DHX30: variants seen among roughly 807,000 people sequenced by gnomAD.
The protein encoded by DHX30 is ATP-dependent RNA helicase DHX30.
DHX30 carries 4 observed loss-of-function variants against 116.9 expected under a neutral mutation model. The ratio of observed to expected loss-of-function variants is 0.03; its 90% CI spans 0.02 to 0.08. DHX30 has a LOEUF of 0.08. Among genes scored for constraint, DHX30 ranks in the 10% least tolerant of loss-of-function variants. DHX30 has a pLI of 1.00. For missense variants in DHX30, 871 were observed against 1,595.1 expected, an observed-to-expected ratio of 0.55 and a Z score of 7.73; for synonymous variants, 697 against 651.7, an observed-to-expected ratio of 1.07 and a Z score of -1.06.
At position 47,846,413 on chromosome 3, in the gene DHX30, T is replaced by C; in HGVS notation, c.1341T>C (p.Ile447=). Residue 447 remains isoleucine (I), a synonymous_variant, in exon 11 of 22, where the codon ATT becomes ATC. Transcript: ENST00000445061. ...DPHRDTILNA[I]EQHPVVVISG... is the part of the protein sequence containing the mutation. ...ATCGGGACACCATCCTCAACGCCAT[T>C]GAGCAGCACCCGGTGGTGGTCATCT... 1 of 1,614,130 alleles carries C rather than the reference T, an allele frequency of 6.2e-7. No homozygotes were observed.
rs554276746 is a variant in DHX30, at chr3:47,816,451, G to A, written c.29-1571G>A. On this transcript the variant is annotated intron_variant, in intron 3 of 21. Coordinates refer to ENST00000445061, the MANE Select transcript of DHX30 (RefSeq NM_138615.3). ...CGGCTCACTGCATCCTCCGCCTCCC[G>A]GGTTCAAGTCATTCTCGTGCCTCAG... The A allele has an allele frequency of 1.6e-5, 16 of 976,746 alleles. No homozygotes were observed. In the South Asian group the frequency reaches 2.4e-4, roughly 15 times the overall value. The allele number at this position is 976,746 out of a possible 1,614,324, so 60.5% of individuals were successfully genotyped here. A position where few individuals can be genotyped will look rare whatever the true frequency, so the allele number is the denominator to read the frequency against.
chr3:47,813,299 C>T lies in DHX30; in HGVS notation c.28+2588C>T, dbSNP rs144216707. 2.0e-5 allele frequency among the ~76,000 whole-genome samples: 3 copies of T among 152,214 alleles called. No homozygotes were observed. The East Asian group carries it at 5.8e-4, about 30-fold the overall frequency. The stretch of plus-strand genomic sequence containing the variant: ...CGGAGCTTGCAGTGAGCCGAGATCG[C>T]GCCACTGTCTGGCCTGGGCGAAACA... On this transcript the variant is annotated intron_variant, in intron 3 of 21. Coordinates refer to ENST00000445061, the MANE Select transcript of DHX30 (RefSeq NM_138615.3).
At position 47,818,121 on chromosome 3, in the gene DHX30, AG is replaced by A; in HGVS notation, c.124+7del. 1.3e-6 allele frequency: 1 copy of A among 780,372 alleles called. No individual in the cohort carries two copies. Among genetic ancestry groups the A allele is most frequent in the Non-Finnish European group, 2.4e-6 (1 of 417,670 alleles). 48.3% of individuals were successfully genotyped at this position (780,372 alleles called of 1,614,324 possible). On this transcript the variant is annotated splice_donor_5th_base_variant and intron_variant, in intron 4 of 21. Transcript: ENST00000445061. ...CCAGGAGGGACCATCTCTCGAGGTA[AG>A]GGAGGAGCCTTGCCTCCAGCAACAG...
Position 47,849,304 on chromosome 3 carries a change from G to C in DHX30, c.3042G>C (p.Leu1014=). 1 of 1,614,112 alleles carries C rather than the reference G, an allele frequency of 6.2e-7. No individual in the cohort carries two copies. Residue 1014 remains leucine (L), a synonymous_variant, in exon 19 of 22, where the codon CTG becomes CTC. Transcript: ENST00000445061. ...ACGAGTACAGTGAGGAGGAGGAGCTGGTGAAGGGCGTGCTGATGGCCGGCC... is the reference window on the plus strand; with the variant it reads ...ACGAGTACAGTGAGGAGGAGGAGCTCGTGAAGGGCGTGCTGATGGCCGGCC... ...QCNEYSEEEE[L]VKGVLMAGLY...
intron 9 of DHX30, among the ~76,000 whole-genome samples, chr3:47,843,626 G>A (rs1258018719): frequency 6.6e-6 from 1 of 152,194 alleles, no homozygotes; most frequent in African/African-American, 2.4e-5. Flanking sequence ...TGGGCAGAAT[G>A]AATAATGTGA....
intron 6 of DHX30, among the ~76,000 whole-genome samples, chr3:47,829,388 G>C: frequency 7.2e-6 from 1 of 139,358 alleles, no homozygotes; most frequent in Admixed American, 7.9e-5. Flanking sequence ...CTGTTGCCCA[G>C]GCTGGAGTGC....
chr3:47,804,554 TCAAAA>T (rs918464285), intron 1 of DHX30, among the ~76,000 whole-genome samples: 7 of 152,146 alleles, frequency 4.6e-5, no homozygotes, highest in African/African-American at 1.4e-4. Flanking sequence ...AAACTCCTTC[TCAAAA>T]CAAAACAAAA....
chr3:47,837,462 G>A (rs1270770228), intron 6 of DHX30, among the ~76,000 whole-genome samples: 3 of 152,206 alleles, frequency 2.0e-5, no homozygotes, highest in Admixed American at 2.0e-4. Context: ...CAGCTGTGGA[G>A]GAGGTTTCTT....
chr3:47,824,945 C>T, intron 4 of DHX30: 1 of 492,522 alleles, frequency 2.0e-6, no homozygotes, highest in Non-Finnish European at 3.5e-6. Context: ...CGGGTCCGCC[C>T]GGCCCGCAGG....
intron 9 of DHX30, among the ~76,000 whole-genome samples, chr3:47,843,940 A>AC (rs1290063247): frequency 6.6e-6 from 1 of 152,224 alleles, no homozygotes; most frequent in East Asian, 1.9e-4. Flanking sequence ...GGGCTCAATC[A>AC]GTCTTTCTAC....
chr3:47,822,386 A>T (rs2036335449), intron 4 of DHX30: 1 of 152,800 alleles, frequency 6.5e-6, no homozygotes, highest in Non-Finnish European at 1.5e-5. Flanking sequence ...AAAAGGTTTA[A>T]TGGATTCACA....
intron 3 of DHX30, among the ~76,000 whole-genome samples, chr3:47,815,722 G>A (rs1004772591): frequency 1.5e-4 from 1 of 6,600 alleles, no homozygotes; most frequent in African/African-American, 5.8e-4. Flanking sequence ...ATAAAAAAGA[G>A]CAAAAAAAAA....
rs775608920 is a variant in DHX30 at position 47,846,152 on chromosome 3, C to T, written c.1093-13C>T. On this transcript the variant is annotated splice_polypyrimidine_tract_variant and intron_variant, in intron 10 of 21. Transcript: ENST00000445061. ...TTCTTTTTCATTGTTTTGCTTGCCT[C>T]CCTGCCCTCCAGTACCCTGTGGAGA... 10 of 1,596,434 alleles carry T rather than the reference C, an allele frequency of 6.3e-6. No individual in the cohort carries two copies. The African/African-American group carries it at 1.1e-4, about 17-fold the overall frequency.
In DHX30 at chr3:47,847,865, A is replaced by G; in HGVS notation, c.2195A>G (p.Asn732Ser). Residue 732 changes from asparagine to serine, a missense_variant, in exon 14 of 22, where the codon AAC (asparagine) becomes AGC (serine). Physicochemically the swap from Asn to Ser is conservative, Grantham distance 46 (BLOSUM62 1). Around this residue, in one of 13 missense-constraint regions of DHX30, gnomAD observed 20 missense variants for 82.2 expected, o/e 0.24. Transcript: ENST00000445061. This position sits in a 1 kb window ranked among gnomAD's most constrained non-coding sequence, Gnocchi z 5.5. ...GTGCGCAAGATTGTCTTGGCCACCA[A>G]CATTGCTGAGACTTCCATCACAATC... The part of the protein sequence containing the change: ...VGVRKIVLAT[N>S]IAETSITIND... 3.1e-6 allele frequency: 5 copies of G among 1,614,182 alleles called. No homozygotes were observed. The highest frequency in any genetic ancestry group is 4.2e-6 in the Non-Finnish European group (5 of 1,180,044).
At chr3:47,819,164 C>G (rs1291712575) in intron 4 of DHX30, 99 of 1,300,898 alleles carry the variant, frequency 7.6e-5, no homozygotes, top group Admixed American at 2.1e-4. Context: ...ATGCCACCCC[C>G]CTACCGTTAC....
intron 2 of DHX30, among the ~76,000 whole-genome samples, chr3:47,807,940 C>T (rs764650481): frequency 3.6e-4 from 55 of 151,204 alleles, no homozygotes; most frequent in Middle Eastern, 3.2e-3. Context: ...GACAGAGTTT[C>T]GCTCTTGTTG....
At chr3:47,824,549 C>T (rs369736340) in intron 4 of DHX30, among the ~76,000 whole-genome samples, 3 of 152,152 alleles carry the variant, frequency 2.0e-5, no homozygotes, top group South Asian at 2.1e-4. Flanking sequence ...GCCTCAACCT[C>T]CCAAAGTGTT....
chr3:47,812,395 A>G (rs2035838831), intron 3 of DHX30, among the ~76,000 whole-genome samples: 1 of 150,436 alleles, frequency 6.6e-6, no homozygotes, highest in South Asian at 2.1e-4. Flanking sequence ...CGTCTCTACT[A>G]AAAATACAGA....
rs760188602 is a variant in DHX30, at chr3:47,845,678, A to G, written c.940-22A>G. On this transcript the variant is annotated intron_variant, in intron 9 of 21. Coordinates refer to ENST00000445061, the MANE Select transcript of DHX30 (RefSeq NM_138615.3). ...TTGGGGAGCCCCAGAGCATAGACTG[A>G]GTCTTGCATGTCCCCCTGCAGAGCC... is the stretch of plus-strand genomic sequence containing the variant. The G allele has an allele frequency of 7.7e-6, 12 of 1,564,382 alleles. No homozygotes were observed. In the Admixed American group the frequency reaches 2.1e-4, roughly 27 times the overall value.
Sources: gnomAD v4.1 joint callset for allele counts (sites outside exome capture counted in the v4.1 genomes callset) on GRCh38, gnomAD v4.1.1 for gene constraint, gnomAD v4.1.1 regional missense constraint, Gnocchi (gnomAD v3.1) non-coding constraint, MANE v1.5 for transcripts, NCBI Gene and HGNC (gene_info 2026-07-23, HGNC 2026-07-21) for gene names.